Variants in TMTC2 observed in about 807,000 individuals in gnomAD.
TMTC2 encodes protein O-mannosyl-transferase TMTC2.
In TMTC2, 43 loss-of-function variants were observed where a neutral mutation model predicts 82.4. That is an observed-to-expected ratio of 0.52 (90% CI 0.41 to 0.67). The LOEUF (loss-of-function observed/expected upper bound fraction) is 0.67. Among genes scored for constraint, TMTC2 ranks in the 30% least tolerant of loss-of-function variants. TMTC2 has a pLI of 0.00. For synonymous variants in TMTC2, 408 were observed against 381.9 expected, an observed-to-expected ratio of 1.07 and a Z score of -0.80; for missense variants, 919 against 1,012.4, an observed-to-expected ratio of 0.91 and a Z score of 1.25.
At chr12:83,052,543 G>A (rs1279570284) in intron 10 of TMTC2, among the ~76,000 whole-genome samples, 1 of 152,098 alleles carries the variant, frequency 6.6e-6, no homozygotes, top group Admixed American at 6.6e-5. Flanking sequence ...TGTTCCTCAT[G>A]AATAAAACAC....
At chr12:82,864,680 T>C (rs1871739663) in intron 2 of TMTC2, among the ~76,000 whole-genome samples, 1 of 151,212 alleles carries the variant, frequency 6.6e-6, no homozygotes, top group Non-Finnish European at 1.5e-5. Context: ...TTTTTGTATT[T>C]TTAGTAGAGA....
intron 1 of TMTC2, among the ~76,000 whole-genome samples, chr12:82,796,212 C>CA (rs1878711696): frequency 6.6e-6 from 1 of 152,080 alleles, no homozygotes; most frequent in South Asian, 2.1e-4. Context: ...TGGCTGAATT[C>CA]ATTGCAGTCC....
At chr12:82,863,705 G>A (rs1165514617) in intron 2 of TMTC2, among the ~76,000 whole-genome samples, 2 of 152,020 alleles carry the variant, frequency 1.3e-5, no homozygotes, top group Non-Finnish European at 2.9e-5. Flanking sequence ...GCATTACACT[G>A]TTAATACTTG....
At chr12:82,719,085 ATTTTT>A (rs71068944) in intron 1 of TMTC2, among the ~76,000 whole-genome samples, 23 of 41,412 alleles carry the variant, frequency 5.6e-4, no homozygotes, top group South Asian at 2.6e-3. Flanking sequence ...ATATATATAT[ATTTTT>A]TTTTTTTTTT....
rs780409020 is a variant in TMTC2 at position 82,896,617 on chromosome 12, G to T, written c.1454G>T (p.Arg485Ile). 9 of 1,610,894 alleles carry T rather than the reference G, an allele frequency of 5.6e-6. No homozygotes were observed. Among genetic ancestry groups the T allele is most frequent in the Non-Finnish European group, 7.6e-6 (9 of 1,179,106 alleles). ...TGGCAGAATGAGGAAATGCTTTATAGATCAGGGATAAAAGTAAACCCAGCT... is the reference window on the plus strand; with the variant it reads ...TGGCAGAATGAGGAAATGCTTTATATATCAGGGATAAAAGTAAACCCAGCT... ...GDWQNEEMLY[R>I]SGIKVNPAKA... Residue 485 changes from arginine (R) to isoleucine (I), a missense_variant, in exon 3 of 12, where the codon AGA becomes ATA. Transcript: ENST00000321196.
At chr12:83,061,507 G>T (rs972740284) in intron 10 of TMTC2, among the ~76,000 whole-genome samples, 1 of 151,652 alleles carries the variant, frequency 6.6e-6, no homozygotes, top group Non-Finnish European at 1.5e-5. Flanking sequence ...GGAAAAGTAG[G>T]ATAACTTTTC....
At chr12:82,977,838 G>A (rs1027526387) in intron 7 of TMTC2, among the ~76,000 whole-genome samples, 3 of 151,784 alleles carry the variant, frequency 2.0e-5, no homozygotes, top group Non-Finnish European at 4.4e-5. Context: ...GTTGGGAGGG[G>A]AATTTGAATA....
chr12:82,825,395 C>A (rs961691318), intron 1 of TMTC2, among the ~76,000 whole-genome samples: 1 of 152,122 alleles, frequency 6.6e-6, no homozygotes, highest in Non-Finnish European at 1.5e-5. Context: ...ATTCAGTCAG[C>A]CACAGGAGTG....
At chr12:82,988,525 A>G (rs1879267059) in intron 8 of TMTC2, among the ~76,000 whole-genome samples, 3 of 152,194 alleles carry the variant, frequency 2.0e-5, no homozygotes, top group Middle Eastern at 3.4e-3. Flanking sequence ...TAGAACAAGT[A>G]AATAAAGAGA....
At chr12:82,876,063 G>GTGGTGGTGA (rs1872511878) in intron 2 of TMTC2, among the ~76,000 whole-genome samples, 3 of 112,624 alleles carry the variant, frequency 2.7e-5, no homozygotes, top group East Asian at 2.1e-4. Context: ...GGTGGTGGTG[G>GTGGTGGTGA]TGGTGATGAT....
At chr12:83,018,803 A>G (rs1282633265) in intron 8 of TMTC2, among the ~76,000 whole-genome samples, 1 of 152,198 alleles carries the variant, frequency 6.6e-6, no homozygotes, top group Admixed American at 6.5e-5. Context: ...ACAACACTTC[A>G]TAAGGAGAGT....
At chr12:82,865,413 A>T (rs946554487) in intron 2 of TMTC2, among the ~76,000 whole-genome samples, 6 of 152,318 alleles carry the variant, frequency 3.9e-5, no homozygotes, top group Non-Finnish European at 7.3e-5. Flanking sequence ...AGAGACAAAG[A>T]AGGCCATTAC....
intron 4 of TMTC2, among the ~76,000 whole-genome samples, chr12:82,962,907 GTGTA>G (rs993663928): frequency 6.6e-6 from 1 of 151,944 alleles, no homozygotes; most frequent in Non-Finnish European, 1.5e-5. Flanking sequence ...TTTTCATTCT[GTGTA>G]GGAGGGTCTC....
At chr12:82,749,238 T>G (rs1413793075) in intron 1 of TMTC2, among the ~76,000 whole-genome samples, 3 of 152,236 alleles carry the variant, frequency 2.0e-5, no homozygotes, top group African/African-American at 7.2e-5. Context: ...TTTTCCTGCC[T>G]TGGGGACACA....
At chr12:82,889,137 C>T (rs542487826) in intron 2 of TMTC2, among the ~76,000 whole-genome samples, 1 of 151,680 alleles carries the variant, frequency 6.6e-6, no homozygotes, top group African/African-American at 2.4e-5. Context: ...ATTAGCCAGG[C>T]GTGGTGGCAC....
intron 7 of TMTC2, among the ~76,000 whole-genome samples, chr12:82,984,243 A>C (rs543960792): frequency 5.3e-5 from 8 of 152,140 alleles, no homozygotes; most frequent in African/African-American, 1.9e-4. Context: ...TTTTTCAACT[A>C]TCATTTTTAT....
At chr12:83,106,250 C>T (rs1253181229) in intron 11 of TMTC2, among the ~76,000 whole-genome samples, 2 of 152,032 alleles carry the variant, frequency 1.3e-5, no homozygotes, top group South Asian at 2.1e-4. Flanking sequence ...TTGAAAGATA[C>T]ACAGCTTGGG....
intron 1 of TMTC2, among the ~76,000 whole-genome samples, chr12:82,731,028 C>A (rs1272095685): frequency 6.6e-6 from 1 of 152,160 alleles, no homozygotes; most frequent in African/African-American, 2.4e-5. Context: ...TTAAATGCAT[C>A]TGTAGCTATG....
chr12:82,773,171 T>A (rs945671103), intron 1 of TMTC2, among the ~76,000 whole-genome samples: 5 of 152,226 alleles, frequency 3.3e-5, no homozygotes, highest in Non-Finnish European at 1.5e-5. Flanking sequence ...CTCACTGTTA[T>A]TCCTGAGTTA....
Sources: allele counts gnomAD v4.1 joint callset (sites outside exome capture counted in the v4.1 genomes callset), GRCh38; gene constraint gnomAD v4.1.1; transcripts MANE v1.5; gene names NCBI Gene and HGNC (gene_info 2026-07-23, HGNC 2026-07-21).